Variants in AGBL4 observed in about 807,000 individuals in gnomAD.
AGBL4 encodes cytosolic carboxypeptidase 6.
AGBL4 carries 58 observed loss-of-function variants against 66.4 expected under a neutral mutation model. The observed-to-expected ratio is 0.87, with a 90% CI of 0.71 to 1.09. AGBL4 has a LOEUF of 1.09. Ranked by LOEUF, AGBL4 falls within the 50% of genes least tolerant of loss-of-function variation. The pLI, the probability that AGBL4 is intolerant of heterozygous loss-of-function variation, is 0.00. For synonymous variants in AGBL4, 234 were observed against 222.9 expected, an observed-to-expected ratio of 1.05 and a Z score of -0.44; for missense variants, 579 against 631.0, an observed-to-expected ratio of 0.92 and a Z score of 0.88.
chr1:49,445,513 T>A (rs1471482823), intron 3 of AGBL4, among the ~76,000 whole-genome samples: 3 of 152,178 alleles, frequency 2.0e-5, no homozygotes, highest in Non-Finnish European at 2.9e-5. Flanking sequence ...ATCTGAAATA[T>A]CACAAAGGCT....
At chr1:48,797,619 A>T (rs553349993) in intron 6 of AGBL4, among the ~76,000 whole-genome samples, 1 of 151,222 alleles carries the variant, frequency 6.6e-6, no homozygotes, top group Non-Finnish European at 1.5e-5. Context: ...TTTTTTTGAG[A>T]CGGAGTCTCA....
intron 4 of AGBL4, among the ~76,000 whole-genome samples, chr1:49,236,678 G>A (rs1650773306): frequency 6.6e-6 from 1 of 152,036 alleles, no homozygotes; most frequent in Non-Finnish European, 1.5e-5. Flanking sequence ...ATCAAACCAG[G>A]AAATTTACAT....
intron 3 of AGBL4, among the ~76,000 whole-genome samples, chr1:49,681,109 ATT>A (rs1646684709): frequency 6.6e-6 from 1 of 151,786 alleles, no homozygotes; most frequent in African/African-American, 2.4e-5. Flanking sequence ...TGTGTTTTGC[ATT>A]TGTTTTAAAT....
chr1:48,881,319 T>C (rs1649763417), intron 5 of AGBL4, among the ~76,000 whole-genome samples: 1 of 152,226 alleles, frequency 6.6e-6, no homozygotes, highest in African/African-American at 2.4e-5. Context: ...TAATTCCTTT[T>C]TTAAAAGATG....
At chr1:49,311,438 C>A (rs1249150354) in intron 3 of AGBL4, among the ~76,000 whole-genome samples, 1 of 152,002 alleles carries the variant, frequency 6.6e-6, no homozygotes, top group African/African-American at 2.4e-5. Context: ...CTAAATGGAA[C>A]CTACATATAA....
chr1:49,478,413 C>A (rs1407367078), intron 3 of AGBL4, among the ~76,000 whole-genome samples: 1 of 151,824 alleles, frequency 6.6e-6, no homozygotes, highest in Non-Finnish European at 1.5e-5. Context: ...TCAATAGAAA[C>A]CTTATAGGCC....
intron 3 of AGBL4, among the ~76,000 whole-genome samples, chr1:49,374,975 TTG>T (rs1644442298): frequency 6.6e-6 from 1 of 152,114 alleles, no homozygotes; most frequent in Non-Finnish European, 1.5e-5. Context: ...TCTATTTCTA[TTG>T]CTTTACCTTT....
intron 9 of AGBL4, among the ~76,000 whole-genome samples, chr1:48,617,282 T>A (rs776033966): frequency 7.9e-5 from 12 of 152,174 alleles, no homozygotes; most frequent in Admixed American, 1.3e-4. Flanking sequence ...ATGAGACATT[T>A]TGTCATTTTT....
intron 3 of AGBL4, among the ~76,000 whole-genome samples, chr1:49,271,541 C>T (rs1213378192): frequency 1.3e-5 from 2 of 151,874 alleles, no homozygotes. Context: ...CACACACACA[C>T]ACACACACAC....
intron 3 of AGBL4, among the ~76,000 whole-genome samples, chr1:49,331,434 T>C (rs929074745): frequency 6.6e-6 from 1 of 152,126 alleles, no homozygotes; most frequent in African/African-American, 2.4e-5. Flanking sequence ...TCTTTTCTGT[T>C]TGGACGACTC....
intron 6 of AGBL4, among the ~76,000 whole-genome samples, chr1:48,695,958 G>T (rs902918893): frequency 6.6e-6 from 1 of 151,818 alleles, no homozygotes; most frequent in Non-Finnish European, 1.5e-5. Context: ...AGGGAGTTCA[G>T]CGCCACCTGG....
intron 4 of AGBL4, among the ~76,000 whole-genome samples, chr1:49,152,417 T>C (rs986993429): frequency 3.9e-5 from 6 of 152,200 alleles, no homozygotes; most frequent in Non-Finnish European, 8.8e-5. Context: ...AAATGATCCC[T>C]ATTCTAAAAA....
At chr1:48,573,574 A>AAAATTTC (rs1644602719) in intron 11 of AGBL4, among the ~76,000 whole-genome samples, 1 of 152,218 alleles carries the variant, frequency 6.6e-6, no homozygotes, top group South Asian at 2.1e-4. Flanking sequence ...TTGTCCTGGT[A>AAAATTTC]AAATTTCCAA....
At chr1:49,369,913 G>A (rs1175480473) in intron 3 of AGBL4, among the ~76,000 whole-genome samples, 3 of 151,502 alleles carry the variant, frequency 2.0e-5, no homozygotes, top group Admixed American at 1.3e-4. Context: ...TAATGAAGGT[G>A]GGACATACCC....
chr1:49,505,266 C>A (rs547856735), intron 3 of AGBL4, among the ~76,000 whole-genome samples: 9 of 152,066 alleles, frequency 5.9e-5, no homozygotes, highest in Admixed American at 5.2e-4. Context: ...GACTTAGAAA[C>A]CACTATTACA....
At chr1:48,814,860 A>C (rs1646138203) in intron 6 of AGBL4, among the ~76,000 whole-genome samples, 1 of 152,138 alleles carries the variant, frequency 6.6e-6, no homozygotes, top group African/African-American at 2.4e-5. Flanking sequence ...TGCAATAAAC[A>C]TGGTGGTGCA....
intron 2 of AGBL4, among the ~76,000 whole-genome samples, chr1:49,710,347 C>G (rs186022918): frequency 6.6e-6 from 1 of 152,212 alleles, no homozygotes; most frequent in Admixed American, 6.5e-5. Flanking sequence ...GAACAGAAAA[C>G]CAAACACCGC....
intron 1 of AGBL4, among the ~76,000 whole-genome samples, chr1:50,014,010 T>C (rs1278151693): frequency 6.6e-6 from 1 of 152,206 alleles, no homozygotes; most frequent in Non-Finnish European, 1.5e-5. Context: ...TTAAATCTTA[T>C]CTTTGTAATT....
Position 49,013,713 on chromosome 1 carries a change from G to A in AGBL4, c.594+31871C>T, listed in dbSNP as rs564612059. 3.3e-5 allele frequency among the ~76,000 whole-genome samples: 5 copies of A among 152,088 alleles called. No individual in the cohort carries two copies. In the South Asian group the frequency reaches 8.3e-4, roughly 25 times the overall value. ...CTAGCCACTCATTCTTCCCCTAATT[G>A]CTTACATCAGAAAGCAGCACAGATC... On this transcript the variant is annotated intron_variant, in intron 5 of 13. Transcript: ENST00000371839.
Sources: gnomAD v4.1 joint callset for allele counts (sites outside exome capture counted in the v4.1 genomes callset) on GRCh38, gnomAD v4.1.1 for gene constraint, MANE v1.5 for transcripts, NCBI Gene and HGNC (gene_info 2026-07-23, HGNC 2026-07-21) for gene names.